The following ACYP2 variants were observed in gnomAD, a reference collection of about 807,000 sequenced individuals.
ACYP2 encodes the protein acylphosphatase 2, also known as acylphosphatase-2.
Under a neutral mutation model 11.2 loss-of-function variants are expected in ACYP2, and 12 were observed. The observed-to-expected ratio is 1.08, with a 90% CI of 0.69 to 1.74. The LOEUF is 1.74. Ranked by LOEUF, ACYP2 falls within the 40% of genes most tolerant of loss-of-function variation. The pLI is 0.00. For missense variants in ACYP2, 134 were observed against 101.9 expected (o/e 1.31, Z -1.35); for synonymous variants, 43 against 32.2 (o/e 1.33, Z -1.13).
chr2:54,244,766 C>T lies in ACYP2; in HGVS notation c.405-59922C>T, dbSNP rs983829422. Among the ~76,000 whole-genome samples the T allele has an allele frequency of 1.3e-4, 20 of 152,010 alleles. No individual in the cohort carries two copies. In the East Asian group the frequency reaches 1.5e-3, roughly 12 times the overall value. ...TGTATAATTTTCATTTTTGAATTGA[C>T]ACATAATAATTGTACATATTAATGG... On this transcript the variant is annotated intron_variant, in intron 6 of 6. Transcript: ENST00000607452.
intron 6 of ACYP2, among the ~76,000 whole-genome samples, chr2:54,272,007 A>G (rs1334838760): frequency 1.3e-5 from 2 of 152,152 alleles, no homozygotes; most frequent in Non-Finnish European, 2.9e-5. Context: ...GCTAGGCTGG[A>G]AAGGCAAGAA....
chr2:54,117,603 T>C (rs760114626), intron 4 of ACYP2, among the ~76,000 whole-genome samples: 2 of 152,216 alleles, frequency 1.3e-5, no homozygotes, highest in African/African-American at 4.8e-5. Context: ...CAGAAATTTA[T>C]TAATGAGAAG....
At chr2:54,269,384 A>G (rs958257555) in intron 6 of ACYP2, among the ~76,000 whole-genome samples, 1 of 152,242 alleles carries the variant, frequency 6.6e-6, no homozygotes, top group African/African-American at 2.4e-5. Context: ...AAAGATGAAG[A>G]CCTTTATCTA....
intron 2 of ACYP2, chr2:53,975,386 T>C: frequency 2.5e-6 from 1 of 397,408 alleles, no homozygotes; most frequent in Non-Finnish European, 4.4e-6. Flanking sequence ...ATTGAAATGC[T>C]TCCCAGTGAG....
intron 6 of ACYP2, among the ~76,000 whole-genome samples, chr2:54,146,455 A>C (rs946505409): frequency 4.8e-5 from 5 of 103,558 alleles, no homozygotes; most frequent in African/African-American, 1.9e-4. Flanking sequence ...TTTTTTTTTT[A>C]TTACAGACTG....
intron 2 of ACYP2, among the ~76,000 whole-genome samples, chr2:54,002,148 A>G (rs1471979576): frequency 6.6e-6 from 1 of 152,114 alleles, no homozygotes; most frequent in Non-Finnish European, 1.5e-5. Flanking sequence ...AATATCCTCC[A>G]TGTCCTGCCT....
chr2:54,294,489 G>A (rs1276562395), intron 6 of ACYP2, among the ~76,000 whole-genome samples: 1 of 152,068 alleles, frequency 6.6e-6, no homozygotes, highest in African/African-American at 2.4e-5. Flanking sequence ...GGTATCTGCA[G>A]GTAGACATAC....
chr2:54,192,595 A>G (rs183648061), intron 6 of ACYP2, among the ~76,000 whole-genome samples: 29 of 152,312 alleles, frequency 1.9e-4, no homozygotes, highest in Admixed American at 9.8e-4. Context: ...CACTTTGTTC[A>G]TTATATCTTA....
chr2:54,117,906 T>A (rs1679906172), intron 4 of ACYP2, among the ~76,000 whole-genome samples: 2 of 152,228 alleles, frequency 1.3e-5, no homozygotes, highest in African/African-American at 4.8e-5. Flanking sequence ...TGTAGCCTTT[T>A]GTCCCTCACC....
At chr2:54,260,575 A>C (rs1010707852) in intron 6 of ACYP2, among the ~76,000 whole-genome samples, 2 of 152,176 alleles carry the variant, frequency 1.3e-5, no homozygotes, top group African/African-American at 4.8e-5. Flanking sequence ...GGATGAGGTC[A>C]GTGAAAAGGT....
intron 6 of ACYP2, among the ~76,000 whole-genome samples, chr2:54,164,917 G>A (rs891384758): frequency 5.3e-5 from 8 of 152,124 alleles, no homozygotes; most frequent in Admixed American, 4.6e-4. Context: ...TGTGTCATGT[G>A]TTCTCATTGT....
In ACYP2 at chr2:54,304,781, T is replaced by C. The variant is rs1171139219; in HGVS notation, c.498T>C (p.Ser166=). The change falls in exon 7 of 7, where the codon TCT becomes TCC. Residue 166 remains serine, a synonymous_variant. Coordinates refer to ENST00000607452, the MANE Select transcript of ACYP2 (RefSeq NM_001320586.2). ...AAACCATCTCTAAGCTTGAATACTC[T>C]AATTTTAGTATTAGATACTAATAGA... The C allele has an allele frequency of 6.2e-7, 1 of 1,603,154 alleles. No homozygotes were observed. The highest frequency in any genetic ancestry group is 2.2e-5 in the East Asian group (1 of 44,794).
chr2:54,118,083 A>G (rs6741257), intron 4 of ACYP2, among the ~76,000 whole-genome samples: 1,829 of 152,316 alleles, frequency 0.012, 45 homozygotes, highest in African/African-American at 0.042. Flanking sequence ...CTTTCAAAGG[A>G]TGATTGTGCA....
In ACYP2 at chr2:54,151,798, A is replaced by G. The variant is rs191454912; in HGVS notation, c.404+13050A>G. On this transcript the variant is annotated intron_variant, in intron 6 of 6. Transcript: ENST00000607452. The stretch of plus-strand genomic sequence containing the variant: ...TTATATATGTGCATTTAGTAAGGTA[A>G]TCATATTTAATAAAAGAAATGCATA... Among the ~76,000 whole-genome samples the G allele has an allele frequency of 4.3e-3, 660 of 152,320 alleles. 1 individual carries two copies. Among genetic ancestry groups the G allele is most frequent in the African/African-American group, 0.015 (633 of 41,568 alleles).
In ACYP2 at chr2:54,121,915, T is replaced by A. The variant is rs1680181874; in HGVS notation, c.278-13538T>A. Among the ~76,000 whole-genome samples, 2 of 152,218 alleles carry A rather than the reference T, an allele frequency of 1.3e-5. 1 individual carries two copies. The highest frequency in any genetic ancestry group is 6.3e-3 in the Middle Eastern group (2 of 316). ...TCCTTCAAAAGTGAACTGAATTAAA[T>A]TGAAGTATTTGGGGATATCTGGCTT... On this transcript the variant is annotated intron_variant, in intron 4 of 6. Transcript: ENST00000607452.
intron 4 of ACYP2, among the ~76,000 whole-genome samples, chr2:54,134,830 T>A (rs973817294): frequency 1.3e-5 from 2 of 152,232 alleles, no homozygotes; most frequent in African/African-American, 4.8e-5. Flanking sequence ...ACCCTCGATA[T>A]GCTAAGCATT....
chr2:54,224,943 G>C (rs1055024548), intron 6 of ACYP2, among the ~76,000 whole-genome samples: 1 of 152,214 alleles, frequency 6.6e-6, no homozygotes, highest in Non-Finnish European at 1.5e-5. Context: ...TGGAAGAAAG[G>C]AAAGCAAGGT....
At chr2:54,181,292 T>C (rs1303127478) in intron 6 of ACYP2, among the ~76,000 whole-genome samples, 2 of 152,216 alleles carry the variant, frequency 1.3e-5, no homozygotes, top group Non-Finnish European at 2.9e-5. Flanking sequence ...CAGGACACTT[T>C]AGACTGGATG....
At chr2:54,278,808 A>G (rs1280310225) in intron 6 of ACYP2, among the ~76,000 whole-genome samples, 2 of 152,214 alleles carry the variant, frequency 1.3e-5, no homozygotes, top group Admixed American at 6.5e-5. Context: ...TTTTCTTAAA[A>G]ATAATTTTAT....
Sources: gnomAD v4.1 joint callset for allele counts (sites outside exome capture counted in the v4.1 genomes callset) on GRCh38, gnomAD v4.1.1 for gene constraint, MANE v1.5 for transcripts, NCBI Gene and HGNC (gene_info 2026-07-23, HGNC 2026-07-21) for gene names.